The following GLI4 variants were observed in gnomAD, a reference collection of about 807,000 sequenced individuals.
The protein encoded by GLI4 is GLI family zinc finger 4, also known as zinc finger protein GLI4.
A neutral mutation model predicts 30.9 loss-of-function variants in GLI4; 34 were observed. The ratio of observed to expected loss-of-function variants is 1.10; its 90% CI spans 0.84 to 1.47. The LOEUF (loss-of-function observed/expected upper bound fraction) is 1.47, where lower values mean the gene tolerates loss of function less well. Ranked by LOEUF, GLI4 falls within the 40% of genes most tolerant of loss-of-function variation. The pLI is 0.00. For missense variants in GLI4, 696 were observed against 538.9 expected (o/e 1.29, Z -2.89); for synonymous variants, 277 against 236.7 (o/e 1.17, Z -1.56).
chr8:143,267,881 C>T (rs1453916216), intron 1 of GLI4: 1 of 985,422 alleles, frequency 1.0e-6, no homozygotes, highest in Non-Finnish European at 1.2e-6. Context: ...GAGCTCCCGG[C>T]GATTGGGTCC....
In GLI4 at chr8:143,276,532, C is replaced by T. The variant is rs975757770; in HGVS notation, c.859C>T (p.Arg287Trp). 4 of 1,612,634 alleles carry T rather than the reference C, an allele frequency of 2.5e-6. No individual in the cohort carries two copies. Among genetic ancestry groups the T allele is most frequent in the African/African-American group, 2.7e-5 (2 of 74,908 alleles). Reference sequence around the variant, plus strand: ...GAGCTCCAACCTGGTGCGCCACCAGCGGCTGCACACGGGTGAGAAGCCCTA... The same window carrying T: ...GAGCTCCAACCTGGTGCGCCACCAGTGGCTGCACACGGGTGAGAAGCCCTA... ...SQSSNLVRHQ[R>W]LHTGEKPYAC... Residue 287 changes from arginine (R) to tryptophan (W), a missense_variant, in exon 4 of 4, where the codon CGG becomes TGG. Coordinates refer to ENST00000340042, the MANE Select transcript of GLI4 (RefSeq NM_138465.4).
At chr8:143,267,546 G>C in intron 1 of GLI4, 62 bp downstream of exon 1, 1 of 985,582 alleles carries the variant, frequency 1.0e-6, no homozygotes, top group Non-Finnish European at 1.2e-6. Flanking sequence ...GTCCGAGCTC[G>C]TGCGCCGTAC....
chr8:143,276,520 G>A lies in GLI4; in HGVS notation c.847G>A (p.Val283Met). Residue 283 changes from valine (V) to methionine (M), a missense_variant, in exon 4 of 4, where the codon GTG becomes ATG. Physicochemically the swap from Val to Met is conservative, Grantham distance 21 (BLOSUM62 1). Transcript: ENST00000340042. ...GQAFSQSSNL[V>M]RHQRLHTGEK... is the part of the protein sequence containing the mutation. Reference sequence around the variant, plus strand: ...GGCCTTCAGCCAGAGCTCCAACCTGGTGCGCCACCAGCGGCTGCACACGGG... The same window carrying A: ...GGCCTTCAGCCAGAGCTCCAACCTGATGCGCCACCAGCGGCTGCACACGGG... 2 of 1,609,322 alleles carry A rather than the reference G, an allele frequency of 1.2e-6. No individual in the cohort carries two copies. The highest frequency in any genetic ancestry group is 1.7e-6 in the Non-Finnish European group (2 of 1,178,996).
At position 143,276,484 on chromosome 8, in the gene GLI4, G is replaced by C; in HGVS notation, c.811G>C (p.Glu271Gln). ...CGGCGAGAAGCCCTACAAGTGCGGC[G>C]AGTGCGGCCAGGCCTTCAGCCAGAG... Reference protein sequence around the residue: ...HNGEKPYKCGECGQAFSQSSN... With the variant: ...HNGEKPYKCGQCGQAFSQSSN... Residue 271 changes from glutamate to glutamine, a missense_variant, in exon 4 of 4, where the codon GAG (glutamate) becomes CAG (glutamine). Glu to Gln is a conservative substitution (Grantham distance 29). Coordinates refer to ENST00000340042, the MANE Select transcript of GLI4 (RefSeq NM_138465.4). 3.1e-6 allele frequency: 5 copies of C among 1,612,990 alleles called. No homozygotes were observed. Among genetic ancestry groups the C allele is most frequent in the Non-Finnish European group, 4.2e-6 (5 of 1,179,818 alleles).
intron 1 of GLI4, 54 bp downstream of exon 1, chr8:143,267,538 C>A: frequency 7.1e-6 from 7 of 985,662 alleles, no homozygotes; most frequent in Non-Finnish European, 8.4e-6. Flanking sequence ...CCAGCCCAGT[C>A]CGAGCTCGTG....
chr8:143,268,979 G>A (rs1278033180), intron 1 of GLI4, among the ~76,000 whole-genome samples: 1 of 152,220 alleles, frequency 6.6e-6, no homozygotes, highest in African/African-American at 2.4e-5. Flanking sequence ...AAGTAGCTGG[G>A]ATTACAGGTG....
intron 3 of GLI4, chr8:143,275,662 G>A (rs1433700461): frequency 8.1e-7 from 1 of 1,241,006 alleles, no homozygotes; most frequent in Non-Finnish European, 1.0e-6. Flanking sequence ...ACTGTGGATG[G>A]TCCCAGCAGC....
Position 143,276,902 on chromosome 8 carries a change from T to A in GLI4, c.*98T>A. The A allele has an allele frequency of 1.3e-6, 1 of 764,144 alleles. No individual in the cohort carries two copies. The highest frequency in any genetic ancestry group is 2.1e-6 in the Non-Finnish European group (1 of 486,124). The allele number at this position is 764,144 out of a possible 1,614,324, so 47.3% of individuals were successfully genotyped here. ...ACTGCCCAGCACCGCATGCCACGTG[T>A]CCGGAATAAATTCTTTTTGATTGTT... On this transcript the variant is annotated 3_prime_UTR_variant, in exon 4 of 4. Transcript: ENST00000340042.
intron 1 of GLI4, among the ~76,000 whole-genome samples, chr8:143,268,565 C>T (rs770265885): frequency 5.3e-5 from 8 of 152,172 alleles, no homozygotes; most frequent in Non-Finnish European, 4.4e-5. Flanking sequence ...CGTCTCTTCT[C>T]TGCTGTTCGG....
chr8:143,269,601 C>A, intron 2 of GLI4, 81 bp downstream of exon 2: 1 of 1,221,054 alleles, frequency 8.2e-7, no homozygotes. Flanking sequence ...CCTGACCTGC[C>A]ACGCTGGCTG....
At chr8:143,271,067 C>G (rs1563735445) in intron 2 of GLI4, among the ~76,000 whole-genome samples, 1 of 152,232 alleles carries the variant, frequency 6.6e-6, no homozygotes, top group Non-Finnish European at 1.5e-5. Flanking sequence ...GCCTGGAAGC[C>G]TCCTGGGCAC....
Position 143,275,079 on chromosome 8 carries a change from C to A in GLI4, c.223+277C>A. 3 of 1,535,660 alleles carry A rather than the reference C, an allele frequency of 2.0e-6. 1 individual carries two copies. The highest frequency in any genetic ancestry group is 4.9e-5 in the East Asian group (2 of 40,898). Reference sequence around the variant, plus strand: ...CCGGCCCCAGCTGGACACAGTGAATCAGGAACTCCTCCCTCCCCTCCACCT... The same window carrying A: ...CCGGCCCCAGCTGGACACAGTGAATAAGGAACTCCTCCCTCCCCTCCACCT... On this transcript the variant is annotated intron_variant, in intron 3 of 3. Coordinates refer to ENST00000340042, the MANE Select transcript of GLI4 (RefSeq NM_138465.4).
chr8:143,270,270 G>T (rs1485167821), intron 2 of GLI4, among the ~76,000 whole-genome samples: 2 of 152,226 alleles, frequency 1.3e-5, no homozygotes, highest in Non-Finnish European at 2.9e-5. Context: ...GTGGCTGAAG[G>T]GACCACTGAG....
At chr8:143,275,725 G>A in intron 3 of GLI4, 172 bp from the exon 4 acceptor site, 1 of 1,240,876 alleles carries the variant, frequency 8.1e-7, no homozygotes, top group Non-Finnish European at 1.0e-6. Flanking sequence ...AGCTCTCCTG[G>A]GCACGGCACT....
chr8:143,274,823 T>A, intron 3 of GLI4, 21 bp downstream of exon 3: 2 of 1,538,838 alleles, frequency 1.3e-6, no homozygotes, highest in Non-Finnish European at 1.8e-6. Context: ...AGAATCGGGT[T>A]ACTGGGGGAC....
Position 143,269,396 on chromosome 8 carries a change from GATGGCAGCCCTAGGGGAC to G in GLI4, c.3_20del (p.MetAlaAlaLeuGlyAsp1_?6). On this transcript the variant is annotated start_lost and inframe_deletion, in exon 2 of 4. Coordinates refer to ENST00000340042, the MANE Select transcript of GLI4 (RefSeq NM_138465.4). ...GACACCTTCAGCAGGTCTCAGGGAA[GATGGCAGCCCTAGGGGAC>G]ATTCAGGAGTCCCCTTCTGTCCCGT... The G allele has an allele frequency of 6.2e-7, 1 of 1,611,948 alleles. No individual in the cohort carries two copies. The highest frequency in any genetic ancestry group is 8.5e-7 in the Non-Finnish European group (1 of 1,178,848).
chr8:143,275,209 GC>G, intron 3 of GLI4: 1 of 1,535,542 alleles, frequency 6.5e-7, no homozygotes. Flanking sequence ...CCTCCCCTCA[GC>G]CTGGTTGGAG....
Position 143,275,996 on chromosome 8 carries a change from C to T in GLI4, c.323C>T (p.Pro108Leu), listed in dbSNP as rs1428292227. 1.4e-6 allele frequency: 2 copies of T among 1,407,098 alleles called. No homozygotes were observed. Among genetic ancestry groups the T allele is most frequent in the African/African-American group, 1.5e-5 (1 of 66,686 alleles). 87.2% of individuals were successfully genotyped at this position (1,407,098 alleles called of 1,614,324 possible). A position where few individuals can be genotyped will look rare whatever the true frequency, so the allele number is the denominator to read the frequency against. The change falls in exon 4 of 4, where the codon CCC (proline) becomes CTC (leucine). Residue 108 changes from proline to leucine, a missense_variant. By Grantham distance (98) the Pro-to-Leu change is moderately conservative (BLOSUM62 -3). Coordinates refer to ENST00000340042, the MANE Select transcript of GLI4 (RefSeq NM_138465.4). ...CTGCGCAGCCTCCTGAGGAGCCTTC[C>T]CCGCAGGGCCCGGTGCAGCGCCGGC... is the stretch of plus-strand genomic sequence containing the variant. Reference protein sequence around the residue: ...GALRSLLRSLPRRARCSAGFG... With the variant: ...GALRSLLRSLLRRARCSAGFG...
At chr8:143,269,172 G>C (rs193196599) in intron 1 of GLI4, among the ~76,000 whole-genome samples, 188 bp from the exon 2 acceptor site, 2 of 152,174 alleles carry the variant, frequency 1.3e-5, no homozygotes, top group Admixed American at 1.3e-4. Context: ...CTGAATAAAT[G>C]TGCCAGGTCC....
Sources: gnomAD v4.1 joint callset for allele counts (sites outside exome capture counted in the v4.1 genomes callset) on GRCh38, gnomAD v4.1.1 for gene constraint, MANE v1.5 for transcripts, NCBI Gene and HGNC (gene_info 2026-07-23, HGNC 2026-07-21) for gene names.